The following KRI1 variants were observed in gnomAD, a reference collection of about 807,000 sequenced individuals.
The protein encoded by KRI1 is KRI1 homolog.
In KRI1, 83 loss-of-function variants were observed where a neutral mutation model predicts 97.0. That is an observed-to-expected ratio of 0.86 (90% CI 0.72 to 1.03). The LOEUF (loss-of-function observed/expected upper bound fraction) is 1.03, where lower values mean the gene tolerates loss of function less well. Ranked by LOEUF, KRI1 falls within the 50% of genes least tolerant of loss-of-function variation. The probability of loss-of-function intolerance (pLI) is 0.00; values close to 1 mark genes in which losing one functional copy is unlikely to be tolerated. For synonymous variants in KRI1, 371 were observed against 363.5 expected (o/e 1.02, Z -0.23); for missense variants, 916 against 928.4 (o/e 0.99, Z 0.17).
chr19:10,565,349 C>G, intron 2 of KRI1: 1 of 529,308 alleles, frequency 1.9e-6, no homozygotes, highest in South Asian at 2.3e-5. Flanking sequence ...TGGGCCAGGC[C>G]GCACAGTGGG....
At chr19:10,560,118 G>A (rs3745250) in intron 9 of KRI1, among the ~76,000 whole-genome samples, 182 bp from the exon 10 acceptor site, 57,751 of 152,084 alleles carry the variant, frequency 0.38, 12,174 homozygotes, top group Non-Finnish European at 0.48. Context: ...TCTTGAAGCC[G>A]AACCAGGATT....
chr19:10,565,968 C>T lies in KRI1; in HGVS notation c.32G>A (p.Arg11Gln), dbSNP rs985632737. Reference sequence around the variant, plus strand: ...CCGCGCGGCAAACGCCGCGTTCACCCGCAGCTGCGACGACCCGCGCGGTTC... The same window carrying T: ...CCGCGCGGCAAACGCCGCGTTCACCTGCAGCTGCGACGACCCGCGCGGTTC... MPEPRGSSQL[R>Q]VNAAFAARYN... is the part of the protein sequence containing the mutation. The change falls in exon 1 of 19, where the codon CGG becomes CAG. Residue 11 changes from arginine (R) to glutamine (Q), a missense_variant. By Grantham distance (43) the Arg-to-Gln change is conservative. Transcript: ENST00000312962. The T allele has an allele frequency of 2.0e-6, 3 of 1,527,462 alleles. No individual in the cohort carries two copies. The highest frequency in any genetic ancestry group is 2.6e-6 in the Non-Finnish European group (3 of 1,140,908). 94.6% of individuals were successfully genotyped at this position (1,527,462 alleles called of 1,614,324 possible).
chr19:10,560,369 C>T lies in KRI1; in HGVS notation c.743G>A (p.Arg248His), dbSNP rs771907639. Reference protein sequence around the residue: ...RFLRDYILNKRYEEEEEEEED... With the variant: ...RFLRDYILNKHYEEEEEEEED... ...CTCCTCCTCTTCCTCCTCCTCATAG[C>T]GTTTGTTGAGGATGTAATCCCGCAG... Residue 248 changes from arginine (R) to histidine (H), a missense_variant, in exon 9 of 19, where the codon CGC becomes CAC. By Grantham distance (29) the Arg-to-His change is conservative. Coordinates refer to ENST00000312962, the MANE Select transcript of KRI1 (RefSeq NM_023008.5). 8.7e-6 allele frequency: 14 copies of T among 1,613,346 alleles called. No individual in the cohort carries two copies. The highest frequency in any genetic ancestry group is 3.3e-5 in the South Asian group (3 of 90,848).
intron 4 of KRI1, among the ~76,000 whole-genome samples, 188 bp downstream of exon 4, chr19:10,562,541 C>T (rs1372706371): frequency 1.3e-5 from 2 of 151,934 alleles, no homozygotes; most frequent in African/African-American, 4.8e-5. Flanking sequence ...GTATGTTGCC[C>T]AGCCTGGTCT....
At position 10,560,277 on chromosome 19, in the gene KRI1, C is replaced by A. The variant is rs763869837; in HGVS notation, c.800+35G>T. ...CTGGGAATACTTCATGAAGCGCACC[C>A]AAAATCTAGGTCCTGGGGAGATGCA... On this transcript the variant is annotated intron_variant, in intron 9 of 18. Transcript: ENST00000312962. 54 of 1,559,516 alleles carry A rather than the reference C, an allele frequency of 3.5e-5. No individual in the cohort carries two copies. In the Middle Eastern group the frequency reaches 5.1e-4, roughly 15 times the overall value.
chr19:10,564,900 G>A (rs951858747), intron 3 of KRI1, 29 bp downstream of exon 3: 2 of 1,386,098 alleles, frequency 1.4e-6, no homozygotes, highest in Non-Finnish European at 2.1e-6. Flanking sequence ...CCAGAGGAAG[G>A]AGAGGTTTAG....
chr19:10,556,823 CT>C (rs1177492615), intron 16 of KRI1, among the ~76,000 whole-genome samples: 1 of 150,802 alleles, frequency 6.6e-6, no homozygotes, highest in African/African-American at 2.4e-5. Context: ...AAAACATCAT[CT>C]GTACAAAAAA....
Position 10,553,416 on chromosome 19 carries a change from T to G in KRI1, c.*535A>C, listed in dbSNP as rs1433088379. Reference sequence around the variant, plus strand: ...TGGGGGCCAATAAAGCTGTGTAACTTGATCGTGGGTGTGGCTGGGCGCAGC... The same window carrying G: ...TGGGGGCCAATAAAGCTGTGTAACTGGATCGTGGGTGTGGCTGGGCGCAGC... On this transcript the variant is annotated 3_prime_UTR_variant, in exon 19 of 19. Transcript: ENST00000312962. 4.3e-6 allele frequency: 1 copy of G among 229,932 alleles called. No homozygotes were observed. Among genetic ancestry groups the G allele is most frequent in the South Asian group, 1.0e-4 (1 of 9,696 alleles). The allele number at this position is 229,932 out of a possible 1,614,324, so 14.2% of individuals were successfully genotyped here.
chr19:10,559,891 G>T lies in KRI1; in HGVS notation c.846C>A (p.Asp282Glu). 1 of 1,613,060 alleles carries T rather than the reference G, an allele frequency of 6.2e-7. No individual in the cohort carries two copies. The highest frequency in any genetic ancestry group is 8.5e-7 in the Non-Finnish European group (1 of 1,179,956). The change falls in exon 10 of 19, where the codon GAC becomes GAA. Residue 282 changes from aspartate (D) to glutamate (E), a missense_variant. Physicochemically the swap from Asp to Glu is conservative, Grantham distance 45 (BLOSUM62 2). This residue lies in a region of KRI1 where 672 missense variants were observed against 667.2 expected (regional missense o/e 1.01). Coordinates refer to ENST00000312962, the MANE Select transcript of KRI1 (RefSeq NM_023008.5). Reference sequence around the variant, plus strand: ...GTTTCTTCAGAAACAGCTCCCCTTCGTCTGAGGAGTCGTCCACAGCCAGCT... The same window carrying T: ...GTTTCTTCAGAAACAGCTCCCCTTCTTCTGAGGAGTCGTCCACAGCCAGCT... ...PVQLAVDDSS[D>E]EGELFLKKQE... is the part of the protein sequence containing the mutation.
chr19:10,558,603 C>T (rs1287737012), intron 12 of KRI1, among the ~76,000 whole-genome samples: 2 of 152,046 alleles, frequency 1.3e-5, no homozygotes, highest in Non-Finnish European at 2.9e-5. Flanking sequence ...AGTGCAATGG[C>T]ACTATCTCGG....
At position 10,561,126 on chromosome 19, in the gene KRI1, G is replaced by A. The variant is rs907441418; in HGVS notation, c.585+43C>T. On this transcript the variant is annotated intron_variant, in intron 7 of 18. Coordinates refer to ENST00000312962, the MANE Select transcript of KRI1 (RefSeq NM_023008.5). ...AGCATCCGCAGATGCCCAGCCACCC[G>A]CCACCCTGTCCCCCAGCAGTCCAGT... 16 of 1,611,194 alleles carry A rather than the reference G, an allele frequency of 9.9e-6. No individual in the cohort carries two copies. The East Asian group carries it at 2.0e-4, about 20-fold the overall frequency.
intron 3 of KRI1, among the ~76,000 whole-genome samples, chr19:10,564,244 T>C (rs1292596310): frequency 1.3e-5 from 2 of 151,544 alleles, no homozygotes; most frequent in East Asian, 3.9e-4. Context: ...GCGGATCACC[T>C]GAAGTTGGGA....
chr19:10,561,965 ACT>A, intron 4 of KRI1, 120 bp from the exon 5 acceptor site: 1 of 808,132 alleles, frequency 1.2e-6, no homozygotes, highest in Non-Finnish European at 2.1e-6. Context: ...CTATGGAATC[ACT>A]GAGACTCCTG....
intron 16 of KRI1, among the ~76,000 whole-genome samples, chr19:10,556,611 G>A (rs531348754): frequency 1.9e-4 from 29 of 151,722 alleles, no homozygotes; most frequent in Admixed American, 1.8e-3. Context: ...AGTTTGCAGT[G>A]AGCTGAGTTT....
At chr19:10,560,958 GGAACACGCGGTCTACTCCATCAGC>G (rs1340492563) in intron 8 of KRI1, 21 bp downstream of exon 8, 4 of 1,443,746 alleles carry the variant, frequency 2.8e-6, no homozygotes, top group South Asian at 2.3e-5. Flanking sequence ...GGATGGACGC[GGAACACGCGGTCTACTCCATCAGC>G]GACCATGCGT....
chr19:10,562,300 T>C (rs1304135671), intron 4 of KRI1, among the ~76,000 whole-genome samples: 1 of 152,112 alleles, frequency 6.6e-6, no homozygotes, highest in Non-Finnish European at 1.5e-5. Flanking sequence ...TCTGCCCGCC[T>C]CAGCCTCCCA....
intron 17 of KRI1, 32 bp downstream of exon 17, chr19:10,555,253 G>A (rs760798550): frequency 1.1e-5 from 17 of 1,613,070 alleles, no homozygotes; most frequent in East Asian, 4.5e-5. Context: ...TGCCCCCTGC[G>A]CATGTGGCCC....
chr19:10,560,187 T>G lies in KRI1; in HGVS notation c.800+125A>C, dbSNP rs1916649106. 20 of 1,419,952 alleles carry G rather than the reference T, an allele frequency of 1.4e-5. No individual in the cohort carries two copies. In the South Asian group the frequency reaches 2.8e-4, roughly 20 times the overall value. 88.0% of individuals were successfully genotyped at this position (1,419,952 alleles called of 1,614,324 possible). On this transcript the variant is annotated intron_variant, in intron 9 of 18. Transcript: ENST00000312962. ...TCTGTGGCTCTGCCTTACAGAAGAC[T>G]AACTCTGCCACCATCTGTGAAAAAA...
chr19:10,565,408 G>A, intron 2 of KRI1: 1 of 522,120 alleles, frequency 1.9e-6, no homozygotes, highest in Non-Finnish European at 3.4e-6. Flanking sequence ...CGTGGCGCAA[G>A]GAGTACACTA....
Sources: gnomAD v4.1 joint callset for allele counts (sites outside exome capture counted in the v4.1 genomes callset) on GRCh38, gnomAD v4.1.1 for gene constraint, gnomAD v4.1.1 regional missense constraint, MANE v1.5 for transcripts, NCBI Gene and HGNC (gene_info 2026-07-23, HGNC 2026-07-21) for gene names.